EIF4ENIF1: variants seen among roughly 807,000 people sequenced by gnomAD.
EIF4ENIF1 encodes eukaryotic translation initiation factor 4E nuclear import factor 1.
Under a neutral mutation model 110.5 loss-of-function variants are expected in EIF4ENIF1, and 23 were observed. That is an observed-to-expected ratio of 0.21 (90% confidence interval 0.15 to 0.29). The LOEUF is 0.29. Among genes scored for constraint, EIF4ENIF1 ranks in the 10% least tolerant of loss-of-function variants. The pLI is 1.00. For synonymous variants in EIF4ENIF1, 440 were observed against 437.0 expected (o/e 1.01, Z -0.09); for missense variants, 1,031 against 1,221.1 (o/e 0.84, Z 2.32).
intron 6 of EIF4ENIF1, among the ~76,000 whole-genome samples, chr22:31,460,628 CAAAAAA>C (rs1292206696): frequency 8.0e-6 from 1 of 125,698 alleles, no homozygotes; most frequent in Admixed American, 8.9e-5. Context: ...GACTCCGTCT[CAAAAAA>C]AAAAGAAAAT....
intron 2 of EIF4ENIF1, among the ~76,000 whole-genome samples, chr22:31,475,721 TA>T (rs11089509): frequency 0.047 from 6,288 of 133,816 alleles, 123 homozygotes; most frequent in African/African-American, 0.054. Context: ...AGACTCCGTT[TA>T]AAAAAAAAAA....
chr22:31,474,249 C>T lies in EIF4ENIF1; in HGVS notation c.97-2332G>A, dbSNP rs546990445. Among the ~76,000 whole-genome samples the T allele has an allele frequency of 5.3e-5, 8 of 152,044 alleles. No individual in the cohort carries two copies. The South Asian group carries it at 6.2e-4, about 12-fold the overall frequency. The stretch of plus-strand genomic sequence containing the variant: ...ATTTTTTTTGTATTTTTAGTAGAGA[C>T]GGAGTTTCACCACGTTGACCAGACT... On this transcript the variant is annotated intron_variant, in intron 2 of 18. Transcript: ENST00000330125.
chr22:31,445,740 G>A (rs1569066365), intron 14 of EIF4ENIF1, among the ~76,000 whole-genome samples: 4 of 152,198 alleles, frequency 2.6e-5, no homozygotes, highest in Non-Finnish European at 5.9e-5. Context: ...TAAATAATAT[G>A]CTAGACAGTG....
intron 10 of EIF4ENIF1, 37 bp from the exon 11 acceptor site, chr22:31,450,397 T>A: frequency 6.6e-7 from 1 of 1,516,608 alleles, no homozygotes; most frequent in Non-Finnish European, 9.2e-7. Flanking sequence ...TTAACTTTCT[T>A]AACTCACTTA....
upstream of EIF4ENIF1, among the ~76,000 whole-genome samples, chr22:31,491,870 C>A (rs2052289305): frequency 6.6e-6 from 1 of 152,140 alleles, no homozygotes; most frequent in Non-Finnish European, 1.5e-5. Flanking sequence ...TACTAGAAAC[C>A]CGGAAATTAT....
Position 31,441,879 on chromosome 22 carries a change from G to C in EIF4ENIF1, c.2446C>G (p.His816Asp). The C allele has an allele frequency of 6.2e-7, 1 of 1,614,166 alleles. No homozygotes were observed. The highest frequency in any genetic ancestry group is 8.5e-7 in the Non-Finnish European group (1 of 1,180,038). ...TGAGCAGGCCTAACCATAGGGACATGGGGGACAAGGGGAACTTGGTGGACA... is the reference window on the plus strand; with the variant it reads ...TGAGCAGGCCTAACCATAGGGACATCGGGGACAAGGGGAACTTGGTGGACA... Reference protein sequence around the residue: ...RPVHQVPLVPHVPMVRPAHQL... With the variant: ...RPVHQVPLVPDVPMVRPAHQL... The change falls in exon 17 of 19, where the codon CAT (histidine) becomes GAT (aspartate). Residue 816 changes from histidine to aspartate, a missense_variant. Coordinates refer to ENST00000330125, the MANE Select transcript of EIF4ENIF1 (RefSeq NM_019843.4).
intron 2 of EIF4ENIF1, among the ~76,000 whole-genome samples, chr22:31,483,024 A>G (rs1292183489): frequency 1.3e-5 from 2 of 151,456 alleles, no homozygotes; most frequent in African/African-American, 4.9e-5. Context: ...CTCTGTCTCA[A>G]AACAAAAAAA....
chr22:31,486,074 A>T (rs1389260475), intron 2 of EIF4ENIF1, among the ~76,000 whole-genome samples: 2 of 151,998 alleles, frequency 1.3e-5, no homozygotes, highest in Non-Finnish European at 2.9e-5. Context: ...GTTTGAGACC[A>T]GCCTGGCCAA....
At position 31,439,889 on chromosome 22, in the gene EIF4ENIF1, G is replaced by A. The variant is rs568526094; in HGVS notation, c.2949C>T (p.Tyr983=). The part of the protein sequence containing the change: ...AKVISVDELE[Y]RQ ...AGTCTGCCTGCCCTGCTCACTGTCGGTATTCCAATTCATCTACACTGATAA... is the reference window on the plus strand; with the variant it reads ...AGTCTGCCTGCCCTGCTCACTGTCGATATTCCAATTCATCTACACTGATAA... The change falls in exon 19 of 19, where the codon TAC becomes TAT. Residue 983 remains tyrosine, a synonymous_variant. Coordinates refer to ENST00000330125, the MANE Select transcript of EIF4ENIF1 (RefSeq NM_019843.4). 14 of 1,613,422 alleles carry A rather than the reference G, an allele frequency of 8.7e-6. No homozygotes were observed. In the African/African-American group the frequency reaches 1.9e-4, roughly 21 times the overall value.
Position 31,463,087 on chromosome 22 carries a change from T to C in EIF4ENIF1, c.632A>G (p.Asn211Ser). Residue 211 changes from asparagine (N) to serine (S), a missense_variant, in exon 6 of 19, where the codon AAT becomes AGT. By Grantham distance (46) the Asn-to-Ser change is conservative. Around this residue, in one of 3 missense-constraint regions of EIF4ENIF1, gnomAD observed 704 missense variants for 879.7 expected, o/e 0.80. Coordinates refer to ENST00000330125, the MANE Select transcript of EIF4ENIF1 (RefSeq NM_019843.4). ...TGGTTCTTCTTCTGTGTAAGAATCA[T>C]TTCTTCTACGCTCACCAAAGACACG... is the stretch of plus-strand genomic sequence containing the variant. ...SKRVFGERRR[N>S]DSYTEEEPEW... 1 of 1,614,196 alleles carries C rather than the reference T, an allele frequency of 6.2e-7. No individual in the cohort carries two copies. The highest frequency in any genetic ancestry group is 8.5e-7 in the Non-Finnish European group (1 of 1,180,024).
chr22:31,450,204 G>T, intron 11 of EIF4ENIF1, 85 bp downstream of exon 11: 1 of 1,036,440 alleles, frequency 9.6e-7, no homozygotes, highest in Non-Finnish European at 1.5e-6. Flanking sequence ...CATTTTCTAA[G>T]GCCCAAAGTT....
At chr22:31,455,736 T>G in intron 8 of EIF4ENIF1, 116 bp downstream of exon 8, 2 of 1,361,428 alleles carry the variant, frequency 1.5e-6, no homozygotes, top group Non-Finnish European at 2.0e-6. Context: ...TGAAGGCTTT[T>G]CAGTTGTCCA....
intron 4 of EIF4ENIF1, among the ~76,000 whole-genome samples, chr22:31,465,296 C>T (rs2051146930): frequency 6.8e-6 from 1 of 147,400 alleles, no homozygotes; most frequent in South Asian, 2.1e-4. Flanking sequence ...GCACTGTAGC[C>T]TGGGCACCAA....
chr22:31,487,902 T>C (rs2052106507), intron 2 of EIF4ENIF1, among the ~76,000 whole-genome samples: 1 of 151,828 alleles, frequency 6.6e-6, no homozygotes, highest in Non-Finnish European at 1.5e-5. Flanking sequence ...GCTTCAACAC[T>C]GTTGAGCAAG....
At chr22:31,468,863 T>C (rs995113952) in intron 3 of EIF4ENIF1, among the ~76,000 whole-genome samples, 28 of 152,340 alleles carry the variant, frequency 1.8e-4, no homozygotes, top group East Asian at 5.8e-4. Flanking sequence ...ATTCAGACCA[T>C]ATACCTTGGC....
chr22:31,464,881 T>TA (rs1282320645), intron 4 of EIF4ENIF1, among the ~76,000 whole-genome samples: 2 of 150,964 alleles, frequency 1.3e-5, no homozygotes, highest in Non-Finnish European at 3.0e-5. Flanking sequence ...ATGATCCATT[T>TA]AAAAAACACT....
intron 17 of EIF4ENIF1, among the ~76,000 whole-genome samples, chr22:31,441,245 T>C (rs1314656541): frequency 6.6e-6 from 1 of 151,148 alleles, no homozygotes; most frequent in Non-Finnish European, 1.5e-5. Context: ...AGAGCGAGAC[T>C]CAAAAAAGAA....
intron 14 of EIF4ENIF1, 95 bp from the exon 15 acceptor site, chr22:31,444,785 A>G (rs2050409958): frequency 1.7e-6 from 2 of 1,162,108 alleles, no homozygotes; most frequent in African/African-American, 1.5e-5. Flanking sequence ...AAGTTTTAAC[A>G]TCCCCTTTCC....
intron 6 of EIF4ENIF1, among the ~76,000 whole-genome samples, chr22:31,459,091 A>G (rs1411018287): frequency 2.0e-5 from 3 of 151,716 alleles, no homozygotes; most frequent in African/African-American, 7.3e-5. Flanking sequence ...CCATGCCTGG[A>G]TAATTTTTTA....
Sources: gnomAD v4.1 joint callset for allele counts (sites outside exome capture counted in the v4.1 genomes callset) on GRCh38, gnomAD v4.1.1 for gene constraint, gnomAD v4.1.1 regional missense constraint, MANE v1.5 for transcripts, NCBI Gene and HGNC (gene_info 2026-07-23, HGNC 2026-07-21) for gene names.